Variants in ARHGAP25 observed in about 807,000 individuals in gnomAD.
The protein encoded by ARHGAP25 is Rho GTPase activating protein 25, also known as rho GTPase-activating protein 25.
A neutral mutation model predicts 71.0 loss-of-function variants in ARHGAP25; 34 were observed. The observed-to-expected ratio is 0.48, with a 90% CI of 0.36 to 0.64. The LOEUF is 0.64. Ranked by LOEUF, ARHGAP25 falls within the 30% of genes least tolerant of loss-of-function variation. The pLI, the probability that ARHGAP25 is intolerant of heterozygous loss-of-function variation, is 0.00. For missense variants in ARHGAP25, 706 were observed against 805.1 expected (o/e 0.88, Z 1.49); for synonymous variants, 282 against 296.5 (o/e 0.95, Z 0.50).
Position 68,819,317 on chromosome 2 carries a change from A to ATGGTAAGG in ARHGAP25, c.1200+1_1200+8dup. On this transcript the variant is annotated frameshift_variant and splice_region_variant, in exon 9 of 11. Transcript: ENST00000409202. LOFTEE classifies it high-confidence loss of function. ...TTCTAGGACAGACAGCTTCAGTAGC[A>ATGGTAAGG]TGGTAAGGTGCAGAGAACCTTCCTG... 6.2e-7 allele frequency: 1 copy of ATGGTAAGG among 1,614,144 alleles called. No homozygotes were observed. The highest frequency in any genetic ancestry group is 8.5e-7 in the Non-Finnish European group (1 of 1,179,968).
intron 1 of ARHGAP25, among the ~76,000 whole-genome samples, chr2:68,750,611 G>T (rs1284417099): frequency 1.3e-5 from 2 of 152,148 alleles, no homozygotes; most frequent in Admixed American, 6.5e-5. Flanking sequence ...ACGAGCCACC[G>T]CACCGGGCCG....
chr2:68,807,344 C>T lies in ARHGAP25; in HGVS notation c.538C>T (p.Leu180=). Residue 180 remains leucine (L), a synonymous_variant, in exon 5 of 11, where the codon CTG becomes TTG. Coordinates refer to ENST00000409202, the MANE Select transcript of ARHGAP25 (RefSeq NM_001007231.3). ...QKFGPHLVPI[L]VEKCAEFILE... Reference sequence around the variant, plus strand: ...ATTCGGCCCCCATCTGGTGCCCATCCTGGTGGAGAAATGTGCAGAGTTCAT... The same window carrying T: ...ATTCGGCCCCCATCTGGTGCCCATCTTGGTGGAGAAATGTGCAGAGTTCAT... 6.2e-7 allele frequency: 1 copy of T among 1,614,234 alleles called. No homozygotes were observed. The highest frequency in any genetic ancestry group is 1.7e-5 in the Admixed American group (1 of 60,030).
intron 1 of ARHGAP25, among the ~76,000 whole-genome samples, chr2:68,772,180 C>A (rs1458532099): frequency 2.0e-5 from 3 of 152,206 alleles, no homozygotes; most frequent in Non-Finnish European, 4.4e-5. Flanking sequence ...GTATCTTTTT[C>A]TCTTCTGCTA....
In ARHGAP25 at chr2:68,822,966, A is replaced by C. The variant is rs538427956; in HGVS notation, c.1733+94A>C. 142 of 1,336,484 alleles carry C rather than the reference A, an allele frequency of 1.1e-4. 2 individuals carry two copies. In the South Asian group the frequency reaches 1.7e-3, roughly 16 times the overall value. The allele number at this position is 1,336,484 out of a possible 1,614,324, so 82.8% of individuals were successfully genotyped here. ...ATCCGCCAGAGAAGTCACATCATAAAGCTTCAATTTGGGGAAGACAGTAAT... is the reference window on the plus strand; with the variant it reads ...ATCCGCCAGAGAAGTCACATCATAACGCTTCAATTTGGGGAAGACAGTAAT... On this transcript the variant is annotated intron_variant, in intron 10 of 10. Coordinates refer to ENST00000409202, the MANE Select transcript of ARHGAP25 (RefSeq NM_001007231.3).
chr2:68,818,887 GCTCC>G (rs998460204), intron 8 of ARHGAP25, among the ~76,000 whole-genome samples: 10 of 152,192 alleles, frequency 6.6e-5, no homozygotes, highest in African/African-American at 2.4e-4. Context: ...TGGACTATTG[GCTCC>G]CTCTGAAACA....
intron 2 of ARHGAP25, among the ~76,000 whole-genome samples, chr2:68,723,821 T>G (rs2104259804): frequency 6.6e-6 from 1 of 152,104 alleles, no homozygotes; most frequent in Non-Finnish European, 1.5e-5. Flanking sequence ...ATTGTTCAGG[T>G]GTAGACACAT....
intron 1 of ARHGAP25, among the ~76,000 whole-genome samples, chr2:68,751,440 C>T (rs1360579788): frequency 2.0e-5 from 3 of 152,216 alleles, no homozygotes; most frequent in East Asian, 1.9e-4. Flanking sequence ...GCATTTGGCA[C>T]ATTTTAGAGG....
intron 4 of ARHGAP25, among the ~76,000 whole-genome samples, chr2:68,797,242 G>A (rs1415967765): frequency 2.0e-5 from 3 of 152,246 alleles, no homozygotes; most frequent in Middle Eastern, 3.4e-3. Flanking sequence ...TCCTTAGGCC[G>A]CTTGTGAAAT....
chr2:68,805,753 AG>A (rs2104440739), intron 4 of ARHGAP25, among the ~76,000 whole-genome samples: 1 of 152,308 alleles, frequency 6.6e-6, no homozygotes, highest in African/African-American at 2.4e-5. Context: ...TGGAATCCAC[AG>A]GAACTCGAGG....
rs75743682 is a variant in ARHGAP25, at chr2:68,776,669, G to A, written c.261+1249G>A. Among the ~76,000 whole-genome samples, 7 of 152,096 alleles carry A rather than the reference G, an allele frequency of 4.6e-5. No individual in the cohort carries two copies. In the East Asian group the frequency reaches 5.8e-4, roughly 13 times the overall value. ...AAAAGAGGATGCTCTGAACAATTAC[G>A]CCAGGACCCCAGGTGCAAACTGGAT... On this transcript the variant is annotated intron_variant, in intron 2 of 10. Coordinates refer to ENST00000409202, the MANE Select transcript of ARHGAP25 (RefSeq NM_001007231.3).
upstream of ARHGAP25, among the ~76,000 whole-genome samples, chr2:68,731,559 T>G (rs1008774996): frequency 6.6e-6 from 1 of 152,058 alleles, no homozygotes; most frequent in African/African-American, 2.4e-5. Flanking sequence ...ACCTGCCCTG[T>G]GTGATCCAGC....
intron 2 of ARHGAP25, among the ~76,000 whole-genome samples, chr2:68,717,385 A>G (rs1674640142): frequency 6.6e-6 from 1 of 152,220 alleles, no homozygotes; most frequent in African/African-American, 2.4e-5. Flanking sequence ...TGGGAGAAGC[A>G]TTGTGATCTG....
chr2:68,759,370 AT>A (rs1270914111), intron 1 of ARHGAP25, among the ~76,000 whole-genome samples: 2 of 151,854 alleles, frequency 1.3e-5, no homozygotes, highest in Non-Finnish European at 3.0e-5. Flanking sequence ...GAAGATTCAA[AT>A]TACTAAATTC....
chr2:68,753,791 G>T (rs1426114545), intron 1 of ARHGAP25, among the ~76,000 whole-genome samples: 4 of 152,028 alleles, frequency 2.6e-5, no homozygotes, highest in African/African-American at 4.8e-5. Flanking sequence ...TGCATTATCT[G>T]TGGAAACATT....
At chr2:68,719,457 A>G (rs1350332246) in intron 2 of ARHGAP25, among the ~76,000 whole-genome samples, 2 of 151,282 alleles carry the variant, frequency 1.3e-5, no homozygotes, top group Non-Finnish European at 3.0e-5. Context: ...AAAAAACCCC[A>G]CAAAACAAAC....
chr2:68,803,872 G>T (rs1680178254), intron 4 of ARHGAP25, among the ~76,000 whole-genome samples: 2 of 152,110 alleles, frequency 1.3e-5, no homozygotes, highest in Non-Finnish European at 2.9e-5. Flanking sequence ...GGAGGGAATG[G>T]GTGGGGAGCT....
chr2:68,715,127 A>G (rs1310860298), intron 2 of ARHGAP25, among the ~76,000 whole-genome samples: 1 of 152,042 alleles, frequency 6.6e-6, no homozygotes, highest in African/African-American at 2.4e-5. Flanking sequence ...TCAGGCTAGA[A>G]CCACTCCTAA....
chr2:68,794,061 T>C (rs956306677), intron 4 of ARHGAP25, among the ~76,000 whole-genome samples: 1 of 152,212 alleles, frequency 6.6e-6, no homozygotes, highest in Non-Finnish European at 1.5e-5. Context: ...TTGATTTTGT[T>C]TTCAGCTAGA....
intron 1 of ARHGAP25, among the ~76,000 whole-genome samples, chr2:68,766,376 T>C (rs1044845508): frequency 1.2e-4 from 18 of 152,232 alleles, no homozygotes; most frequent in Admixed American, 1.0e-3. Flanking sequence ...CTTTGCCTTG[T>C]GCTGAGGAAG....
Sources: allele counts gnomAD v4.1 joint callset (sites outside exome capture counted in the v4.1 genomes callset), GRCh38; gene constraint gnomAD v4.1.1; transcripts MANE v1.5; gene names NCBI Gene and HGNC (gene_info 2026-07-23, HGNC 2026-07-21).